The following SLC19A1 variants were observed in gnomAD, a reference collection of about 807,000 sequenced individuals.
SLC19A1 encodes the protein solute carrier family 19 member 1.
Under a neutral mutation model 35.3 loss-of-function variants are expected in SLC19A1, and 37 were observed. That is an observed-to-expected ratio of 1.05 (90% CI 0.81 to 1.38). SLC19A1 has a LOEUF of 1.38. SLC19A1 is among the 40% of genes most tolerant of loss of function. The probability of loss-of-function intolerance (pLI) is 0.00; values close to 1 mark genes in which losing one functional copy is unlikely to be tolerated. For missense variants in SLC19A1, 831 were observed against 826.9 expected (o/e 1.00, Z -0.06); for synonymous variants, 460 against 398.5 (o/e 1.15, Z -1.84).
intron 1 of SLC19A1, among the ~76,000 whole-genome samples, 199 bp downstream of exon 1, chr21:45,542,169 G>C (rs7509787): frequency 0.043 from 1,784 of 41,718 alleles, 206 homozygotes; most frequent in Middle Eastern, 0.13. Context: ...CCAGGGCCCC[G>C]CGGACCCCAG....
intron 2 of SLC19A1, among the ~76,000 whole-genome samples, chr21:45,535,012 G>A (rs2078060982): frequency 6.6e-6 from 1 of 152,294 alleles, no homozygotes; most frequent in Admixed American, 6.5e-5. Flanking sequence ...AGGGAGGCGG[G>A]AAGGTGGGCA....
In SLC19A1 at chr21:45,516,141, C is replaced by A. The variant is rs1351747105; in HGVS notation, c.1294-1G>T. ...GGAAGTACACGGAGTATAACTGGAA[C>A]TGGAAAGAGAGGCCGGGTGAGGCGG... On this transcript the variant is annotated splice_acceptor_variant, in intron 5 of 5. Coordinates refer to ENST00000311124, the MANE Select transcript of SLC19A1 (RefSeq NM_194255.4). LOFTEE classifies it high-confidence loss of function. The A allele has an allele frequency of 6.2e-7, 1 of 1,607,684 alleles. No homozygotes were observed. Among genetic ancestry groups the A allele is most frequent in the South Asian group, 1.1e-5 (1 of 89,968 alleles).
At chr21:45,553,557 C>T (rs2078488997) in intron 1 of SLC19A1, among the ~76,000 whole-genome samples, 1 of 151,402 alleles carries the variant, frequency 6.6e-6, no homozygotes, top group Non-Finnish European at 1.5e-5. Context: ...CCGTCACCCC[C>T]ATCATCTCCA....
At chr21:45,535,985 C>T (rs553120271) in intron 2 of SLC19A1, 9 of 175,954 alleles carry the variant, frequency 5.1e-5, no homozygotes, top group Admixed American at 3.8e-4. Flanking sequence ...GCTCCCCGCC[C>T]ACCTACTGGT....
chr21:45,505,248 C>T (rs1386207254), intron 3 of SLC19A1: 3 of 1,605,724 alleles, frequency 1.9e-6, no homozygotes, highest in Admixed American at 1.7e-5. Context: ...CCCCCCAGGG[C>T]CCCCTTCATT....
downstream of SLC19A1, among the ~76,000 whole-genome samples, chr21:45,508,869 G>A (rs1040288553): frequency 1.3e-5 from 2 of 152,204 alleles, no homozygotes; most frequent in African/African-American, 4.8e-5. Context: ...GATGGCAATG[G>A]CAGCTGGGTC....
intron 2 of SLC19A1, among the ~76,000 whole-genome samples, chr21:45,537,043 T>C (rs2078135987): frequency 6.6e-6 from 1 of 152,136 alleles, no homozygotes; most frequent in South Asian, 2.1e-4. Flanking sequence ...CATGGCTGAG[T>C]AAAATGAAAA....
intron 1 of SLC19A1, among the ~76,000 whole-genome samples, chr21:45,553,413 C>G (rs1002606714): frequency 1.3e-5 from 2 of 151,654 alleles, no homozygotes; most frequent in Admixed American, 1.3e-4. Flanking sequence ...CCCGGCCCAT[C>G]ACAGTGCCAG....
chr21:45,547,324 C>T (rs575134294), upstream of SLC19A1, among the ~76,000 whole-genome samples: 3 of 152,300 alleles, frequency 2.0e-5, no homozygotes, highest in South Asian at 6.2e-4. Flanking sequence ...CAGACCACTC[C>T]TCTGGGCAAG....
rs1160233723 is a variant in SLC19A1, at chr21:45,512,948, C to T, written c.*2710G>A. ...AGGTCCCTGGGGCTAGGGGGAGCCC[C>T]TTCTGCTCAGCTCTGGGCCATTCTC... On this transcript the variant is annotated 3_prime_UTR_variant, in exon 6 of 6. Coordinates refer to ENST00000311124, the MANE Select transcript of SLC19A1 (RefSeq NM_194255.4). 10 of 185,226 alleles carry T rather than the reference C, an allele frequency of 5.4e-5. No homozygotes were observed. The highest frequency in any genetic ancestry group is 5.3e-4 in the Admixed American group (10 of 18,706). The allele number at this position is 185,226 out of a possible 1,614,324, so 11.5% of individuals were successfully genotyped here. A position where few individuals can be genotyped will look rare whatever the true frequency, so the allele number is the denominator to read the frequency against.
At position 45,512,792 on chromosome 21, in the gene SLC19A1, T is replaced by C. The variant is rs2037688178; in HGVS notation, c.*2866A>G. On this transcript the variant is annotated 3_prime_UTR_variant, in exon 6 of 6. Coordinates refer to ENST00000311124, the MANE Select transcript of SLC19A1 (RefSeq NM_194255.4). Reference sequence around the variant, plus strand: ...CATCTCCCACCTAGCAGCACCGTTCTGTGCACAAAACCCAGACCTGTTAGC... The same window carrying C: ...CATCTCCCACCTAGCAGCACCGTTCCGTGCACAAAACCCAGACCTGTTAGC... 3.1e-6 allele frequency: 1 copy of C among 326,712 alleles called. No homozygotes were observed. Among genetic ancestry groups the C allele is most frequent in the South Asian group, 2.7e-5 (1 of 37,086 alleles). The allele number at this position is 326,712 out of a possible 1,614,324, so 20.2% of individuals were successfully genotyped here.
chr21:45,551,442 G>A (rs971773913), intron 1 of SLC19A1, among the ~76,000 whole-genome samples: 2 of 151,958 alleles, frequency 1.3e-5, no homozygotes, highest in South Asian at 2.1e-4. Flanking sequence ...TTCCTCTCAC[G>A]GGGCACCTTT....
chr21:45,510,381 C>A (rs545461678), downstream of SLC19A1: 1 of 1,193,932 alleles, frequency 8.4e-7, no homozygotes, highest in African/African-American at 1.5e-5. Context: ...CAGACACTGG[C>A]GCCTAGGCTG....
intron 3 of SLC19A1, chr21:45,505,814 C>T (rs1268022144): frequency 1.9e-6 from 3 of 1,581,854 alleles, no homozygotes; most frequent in Non-Finnish European, 2.6e-6. Context: ...CCAAGCCCCA[C>T]ACCTCTGCAT....
At chr21:45,535,881 A>G (rs2089691414) in intron 2 of SLC19A1, 2 of 155,660 alleles carry the variant, frequency 1.3e-5, no homozygotes, top group Admixed American at 1.3e-4. Context: ...GCTGGGTCAC[A>G]AGACACCACT....
chr21:45,538,951 C>A (rs2078220738), intron 1 of SLC19A1, among the ~76,000 whole-genome samples: 1 of 152,212 alleles, frequency 6.6e-6, no homozygotes, highest in African/African-American at 2.4e-5. Flanking sequence ...GAGGGCGTGT[C>A]TCTTTCAGTC....
chr21:45,508,459 G>A (rs954927423), downstream of SLC19A1, among the ~76,000 whole-genome samples: 1 of 150,132 alleles, frequency 6.7e-6, no homozygotes, highest in East Asian at 2.0e-4. Context: ...GAGTGGATGG[G>A]TGGATGGACA....
At chr21:45,539,643 A>T (rs1814114707) in intron 1 of SLC19A1, among the ~76,000 whole-genome samples, 1 of 152,226 alleles carries the variant, frequency 6.6e-6, no homozygotes, top group Admixed American at 6.5e-5. Flanking sequence ...AACCTGACAC[A>T]CAGGCTTAGG....
chr21:45,521,031 A>C (rs1487904697), intron 5 of SLC19A1, among the ~76,000 whole-genome samples: 11 of 152,094 alleles, frequency 7.2e-5, no homozygotes, highest in Middle Eastern at 3.4e-3. Flanking sequence ...AAAAAAAAAA[A>C]AAACAAACGA....
Sources: allele counts gnomAD v4.1 joint callset (sites outside exome capture counted in the v4.1 genomes callset), GRCh38; gene constraint gnomAD v4.1.1; transcripts MANE v1.5; gene names NCBI Gene and HGNC (gene_info 2026-07-23, HGNC 2026-07-21).